The following SERINC5 variants were observed in gnomAD, a reference collection of about 807,000 sequenced individuals.
The protein encoded by SERINC5 is chromosome 5 open reading frame 12.
SERINC5 carries 41 observed loss-of-function variants against 63.1 expected under a neutral mutation model. The ratio of observed to expected loss-of-function variants is 0.65; its 90% confidence interval spans 0.51 to 0.84. The LOEUF (loss-of-function observed/expected upper bound fraction) is 0.84, where lower values mean the gene tolerates loss of function less well. Ranked by LOEUF, SERINC5 falls within the 40% of genes least tolerant of loss-of-function variation. The pLI is 0.00. For missense variants in SERINC5, 523 were observed against 573.0 expected (o/e 0.91, Z 0.89); for synonymous variants, 222 against 215.2 (o/e 1.03, Z -0.28).
rs774771433 is a variant in SERINC5, at chr5:80,200,444, C to T, written c.195+2442G>A. ...GAGCTTGCAGTGAGCCGAGATCGCA[C>T]CACTGCGCTCCAGCCTGGGCGACAG... On this transcript the variant is annotated intron_variant, in intron 2 of 11. Coordinates refer to ENST00000507668, the MANE Select transcript of SERINC5 (RefSeq NM_001174072.3). Among the ~76,000 whole-genome samples the T allele has an allele frequency of 6.6e-5, 10 of 151,720 alleles. 1 individual carries two copies. Among genetic ancestry groups the T allele is most frequent in the Non-Finnish European group, 1.5e-5 (1 of 67,946 alleles).
At chr5:80,227,515 CTT>C (rs1397136368) in intron 1 of SERINC5, among the ~76,000 whole-genome samples, 2 of 151,262 alleles carry the variant, frequency 1.3e-5, no homozygotes, top group Admixed American at 1.3e-4. Context: ...AATCCTAGCT[CTT>C]TGGGAGACCC....
At position 80,161,926 on chromosome 5, in the gene SERINC5, T is replaced by A. The variant is rs369517489; in HGVS notation, c.860-2964A>T. Among the ~76,000 whole-genome samples, 4 of 152,302 alleles carry A rather than the reference T, an allele frequency of 2.6e-5. No individual in the cohort carries two copies. In the South Asian group the frequency reaches 8.3e-4, roughly 32 times the overall value. On this transcript the variant is annotated intron_variant, in intron 7 of 11. Coordinates refer to ENST00000507668, the MANE Select transcript of SERINC5 (RefSeq NM_001174072.3). ...ACAGGGGTTCGGTAGGGGTTCAGCA[T>A]ATGGAAATCCAAATTTTCCAGGACC...
At position 80,141,487 on chromosome 5, in the gene SERINC5, C is replaced by T; in HGVS notation, c.*2176G>A. On this transcript the variant is annotated 3_prime_UTR_variant, in exon 12 of 12. Coordinates refer to ENST00000507668, the MANE Select transcript of SERINC5 (RefSeq NM_001174072.3). ...CAGTTTCTCAAATCACACCAGCTGG[C>T]AGCCAGACCCAGCCGAGAGGACAAA... 1 of 985,498 alleles carries T rather than the reference C, an allele frequency of 1.0e-6. No individual in the cohort carries two copies. The highest frequency in any genetic ancestry group is 1.2e-6 in the Non-Finnish European group (1 of 830,014). 61.0% of individuals were successfully genotyped at this position (985,498 alleles called of 1,614,324 possible). A position where few individuals can be genotyped will look rare whatever the true frequency, so the allele number is the denominator to read the frequency against.
chr5:80,140,460 A>G lies in SERINC5; in HGVS notation c.*3203T>C, dbSNP rs1009354645. ...ATGGAAACAGAACCCCAAAACCCCA[A>G]TAACTCCACCCTCCCCACAACCCAC... is the stretch of plus-strand genomic sequence containing the variant. On this transcript the variant is annotated 3_prime_UTR_variant, in exon 12 of 12. Coordinates refer to ENST00000507668, the MANE Select transcript of SERINC5 (RefSeq NM_001174072.3). 62 of 985,104 alleles carry G rather than the reference A, an allele frequency of 6.3e-5. No individual in the cohort carries two copies. Among genetic ancestry groups the G allele is most frequent in the Non-Finnish European group, 7.4e-5 (61 of 829,822 alleles). 61.0% of individuals were successfully genotyped at this position (985,104 alleles called of 1,614,324 possible).
intron 9 of SERINC5, among the ~76,000 whole-genome samples, chr5:80,149,491 C>T (rs1050076385): frequency 2.0e-5 from 3 of 152,158 alleles, no homozygotes; most frequent in Admixed American, 6.5e-5. Context: ...TAGACAGACA[C>T]CAGGGCTTTT....
chr5:80,132,025 C>T (rs541183759), intron 11 of SERINC5, among the ~76,000 whole-genome samples: 1 of 152,182 alleles, frequency 6.6e-6, no homozygotes, highest in Non-Finnish European at 1.5e-5. Flanking sequence ...CCAGCCATTT[C>T]GGCCTAGTTG....
chr5:80,191,695 CT>C (rs200623852), intron 2 of SERINC5, among the ~76,000 whole-genome samples: 7,299 of 140,004 alleles, frequency 0.052, 299 homozygotes, highest in African/African-American at 0.12. Flanking sequence ...AAAAAAAAGA[CT>C]TTTTTTTTTT....
intron 1 of SERINC5, among the ~76,000 whole-genome samples, chr5:80,210,130 T>C (rs1466404565): frequency 1.3e-5 from 2 of 152,178 alleles, no homozygotes; most frequent in African/African-American, 4.8e-5. Flanking sequence ...TATTGCTGTA[T>C]GTTGGGCTTT....
chr5:80,112,052 A>G (rs2112212741), intron 12 of SERINC5, among the ~76,000 whole-genome samples: 1 of 152,332 alleles, frequency 6.6e-6, no homozygotes, highest in South Asian at 2.1e-4. Flanking sequence ...GGTATTGTCC[A>G]AAGTTCCTCC....
chr5:80,225,066 G>A (rs546731485), intron 1 of SERINC5, among the ~76,000 whole-genome samples: 249 of 151,516 alleles, frequency 1.6e-3, no homozygotes, highest in Admixed American at 3.2e-3. Flanking sequence ...TCAGCCTCCC[G>A]AGTAGCTGAG....
Position 80,147,294 on chromosome 5 carries a change from C to A in SERINC5, c.1054-10G>T. The A allele has an allele frequency of 6.2e-7, 1 of 1,605,380 alleles. No individual in the cohort carries two copies. The highest frequency in any genetic ancestry group is 8.5e-7 in the Non-Finnish European group (1 of 1,176,358). On this transcript the variant is annotated splice_polypyrimidine_tract_variant and intron_variant, in intron 9 of 11. Transcript: ENST00000507668. The stretch of plus-strand genomic sequence containing the variant: ...AACAACAGCGAGCTATCTGTGAAAG[C>A]AAAAGCAACAGTCAGGCGGCTTGTG...
At chr5:80,137,139 C>CAAAAAAAAAA (rs869035894), downstream of SERINC5, among the ~76,000 whole-genome samples, 182 of 67,590 alleles carry the variant, frequency 2.7e-3, no homozygotes, top group East Asian at 8.4e-3. Flanking sequence ...GACCCTGTCT[C>CAAAAAAAAAA]AAAAAAAAAA....
downstream of SERINC5, among the ~76,000 whole-genome samples, chr5:80,135,366 C>T (rs925854436): frequency 3.3e-5 from 5 of 152,016 alleles, no homozygotes; most frequent in Non-Finnish European, 7.4e-5. Flanking sequence ...AAAGGAAGGC[C>T]GACCCAGAAG....
At chr5:80,238,175 C>T (rs1028506485) in intron 1 of SERINC5, among the ~76,000 whole-genome samples, 5 of 151,744 alleles carry the variant, frequency 3.3e-5, no homozygotes, top group Admixed American at 3.3e-4. Flanking sequence ...TCCTCCCCGC[C>T]CCCCATCATA....
At position 80,169,476 on chromosome 5, in the gene SERINC5, TG is replaced by T; in HGVS notation, c.621del (p.Ile208LeufsTer8). 6.2e-7 allele frequency: 1 copy of T among 1,613,916 alleles called. No individual in the cohort carries two copies. Among genetic ancestry groups the T allele is most frequent in the Middle Eastern group, 1.6e-4 (1 of 6,062 alleles). On this transcript the variant is annotated frameshift_variant, in exon 6 of 12. Transcript: ENST00000507668. LOFTEE classifies it high-confidence loss of function. Reference sequence around the variant, plus strand: ...ATCAAAACCAAGCCTCCAGTGGCAATGGAATACATGATGAGCGTCACCAGGG... The same window carrying T: ...ATCAAAACCAAGCCTCCAGTGGCAATGAATACATGATGAGCGTCACCAGGG... ...SLALVTLIMYSIATGGLVLMA... is the reference protein window; with the variant it reads ...SLALVTLIMYXIATGGLVLMA...
chr5:80,132,842 T>C (rs889434910), intron 11 of SERINC5, among the ~76,000 whole-genome samples: 5 of 152,182 alleles, frequency 3.3e-5, no homozygotes, highest in Non-Finnish European at 5.9e-5. Flanking sequence ...CATGAAATAC[T>C]ACTGGAATGA....
intron 1 of SERINC5, among the ~76,000 whole-genome samples, chr5:80,208,536 C>T (rs1239419212): frequency 6.6e-6 from 1 of 152,170 alleles, no homozygotes; most frequent in Non-Finnish European, 1.5e-5. Context: ...GCAATCTCCT[C>T]CATGGGAACA....
intron 1 of SERINC5, among the ~76,000 whole-genome samples, chr5:80,224,217 T>C (rs1367809341): frequency 6.6e-6 from 1 of 151,802 alleles, no homozygotes; most frequent in Non-Finnish European, 1.5e-5. Flanking sequence ...TCCCAGCACT[T>C]TGGGAGGCTG....
chr5:80,130,815 A>G (rs909123547), intron 11 of SERINC5, among the ~76,000 whole-genome samples: 3 of 152,190 alleles, frequency 2.0e-5, no homozygotes, highest in African/African-American at 7.2e-5. Context: ...CTAAGCACCT[A>G]TTATGTACCA....
Sources: gnomAD v4.1 joint callset for allele counts (sites outside exome capture counted in the v4.1 genomes callset) on GRCh38, gnomAD v4.1.1 for gene constraint, MANE v1.5 for transcripts, NCBI Gene and HGNC (gene_info 2026-07-23, HGNC 2026-07-21) for gene names.